Variants in ATP2A2 observed in about 807,000 individuals in gnomAD.
ATP2A2 encodes ATPase sarcoplasmic/endoplasmic reticulum Ca2+ transporting 2, also known as sarcoplasmic/endoplasmic reticulum calcium ATPase 2.
In ATP2A2, 14 loss-of-function variants were observed where a neutral mutation model predicts 109.3. That is an observed-to-expected ratio of 0.13 (90% CI 0.08 to 0.20). The LOEUF is 0.20. Ranked by LOEUF, ATP2A2 falls within the 10% of genes least tolerant of loss-of-function variation. The pLI is 1.00. For missense variants in ATP2A2, 657 were observed against 1,321.6 expected (o/e 0.50, Z 7.80); for synonymous variants, 506 against 490.9 (o/e 1.03, Z -0.41).
At position 110,346,668 on chromosome 12, in the gene ATP2A2, C is replaced by T. The variant is rs1879895239; in HGVS notation, c.*198C>T. 2 of 1,445,358 alleles carry T rather than the reference C, an allele frequency of 1.4e-6. No homozygotes were observed. The highest frequency in any genetic ancestry group is 1.8e-6 in the Non-Finnish European group (2 of 1,108,342). The allele number at this position is 1,445,358 out of a possible 1,614,324, so 89.5% of individuals were successfully genotyped here. Reference sequence around the variant, plus strand: ...TTTTTATACACATAATTAAAGTGTCCATTGACATGTACAGAGAACTAACAC... The same window carrying T: ...TTTTTATACACATAATTAAAGTGTCTATTGACATGTACAGAGAACTAACAC... On this transcript the variant is annotated 3_prime_UTR_variant, in exon 20 of 20. Coordinates refer to ENST00000539276, the MANE Select transcript of ATP2A2 (RefSeq NM_170665.4).
chr12:110,334,301 T>C (rs1878624177), intron 11 of ATP2A2, 158 bp downstream of exon 11: 1 of 927,362 alleles, frequency 1.1e-6, no homozygotes, highest in Non-Finnish European at 1.7e-6. Flanking sequence ...GGTAAGATGC[T>C]CTTCCTGTGT....
Position 110,350,607 on chromosome 12 carries a change from A to G in ATP2A2, c.*4137A>G. 2.1e-6 allele frequency: 1 copy of G among 487,352 alleles called. No homozygotes were observed. The highest frequency in any genetic ancestry group is 3.7e-6 in the Non-Finnish European group (1 of 272,440). 30.2% of individuals were successfully genotyped at this position (487,352 alleles called of 1,614,324 possible). On this transcript the variant is annotated 3_prime_UTR_variant, in exon 20 of 20. Transcript: ENST00000539276. ...CTGTAACCTTATCTAAGAACTTGGA[A>G]GCCGTCAGCCAAGTCGCCACATTTC...
At position 110,346,884 on chromosome 12, in the gene ATP2A2, A is replaced by G. The variant is rs1048667021; in HGVS notation, c.*414A>G. 20 of 1,092,558 alleles carry G rather than the reference A, an allele frequency of 1.8e-5. No homozygotes were observed. Among genetic ancestry groups the G allele is most frequent in the Non-Finnish European group, 2.2e-5 (20 of 895,376 alleles). The allele number at this position is 1,092,558 out of a possible 1,614,324, so 67.7% of individuals were successfully genotyped here. On this transcript the variant is annotated 3_prime_UTR_variant, in exon 20 of 20. Coordinates refer to ENST00000539276, the MANE Select transcript of ATP2A2 (RefSeq NM_170665.4). The stretch of plus-strand genomic sequence containing the variant: ...TAGCATGTATTGTGTCTTTTGCATG[A>G]TGATCCGGATTTAATTTGATATCAC...
In ATP2A2 at chr12:110,342,466, C is replaced by T. The variant is rs1879448005; in HGVS notation, c.2318+18C>T. On this transcript the variant is annotated intron_variant, in intron 15 of 19. Transcript: ENST00000539276. The surrounding 1 kb of genome is among the most constrained non-coding windows in gnomAD (Gnocchi z 4.6). ...GTTGTCTGGTAGGTCTCTGTGACAG[C>T]ATCACTTACTGTACGCCTTTATCTA... The T allele has an allele frequency of 6.2e-7, 1 of 1,609,706 alleles. No homozygotes were observed. Among genetic ancestry groups the T allele is most frequent in the Non-Finnish European group, 8.5e-7 (1 of 1,177,256 alleles).
At chr12:110,315,915 G>A (rs1876617658) in intron 5 of ATP2A2, among the ~76,000 whole-genome samples, 1 of 152,112 alleles carries the variant, frequency 6.6e-6, no homozygotes, top group African/African-American at 2.4e-5. Flanking sequence ...CTCCAGCCTG[G>A]GTGACAGAGC....
intron 10 of ATP2A2, among the ~76,000 whole-genome samples, 172 bp from the exon 11 acceptor site, chr12:110,333,840 C>G (rs1275998459): frequency 1.3e-5 from 2 of 152,112 alleles, no homozygotes; most frequent in Non-Finnish European, 2.9e-5. Flanking sequence ...CACACCTGTA[C>G]TTTGAGTATG....
intron 10 of ATP2A2, among the ~76,000 whole-genome samples, chr12:110,333,523 G>A (rs967856530): frequency 2.0e-5 from 3 of 152,174 alleles, no homozygotes; most frequent in African/African-American, 7.2e-5. Context: ...TGTAGTATAT[G>A]TGATGTTCTT....
In ATP2A2 at chr12:110,347,043, C is replaced by T. The variant is rs1257265080; in HGVS notation, c.*573C>T. The stretch of plus-strand genomic sequence containing the variant: ...CACCCCACCCCACCCCACCTCTCCC[C>T]ACCTTACCCCCGCCCCGCTTGGCTT... On this transcript the variant is annotated 3_prime_UTR_variant, in exon 20 of 20. Coordinates refer to ENST00000539276, the MANE Select transcript of ATP2A2 (RefSeq NM_170665.4). The T allele has an allele frequency of 9.3e-7, 1 of 1,078,500 alleles. No individual in the cohort carries two copies. Among genetic ancestry groups the T allele is most frequent in the Non-Finnish European group, 1.1e-6 (1 of 886,824 alleles). 66.8% of individuals were successfully genotyped at this position (1,078,500 alleles called of 1,614,324 possible). A position where few individuals can be genotyped will look rare whatever the true frequency, so the allele number is the denominator to read the frequency against.
intron 6 of ATP2A2, among the ~76,000 whole-genome samples, chr12:110,323,451 C>G (rs895929482): frequency 6.6e-6 from 1 of 152,144 alleles, no homozygotes; most frequent in Admixed American, 6.5e-5. Flanking sequence ...TCCCAAAGTG[C>G]TGGGATTACA....
rs769889512 is a variant in ATP2A2, at chr12:110,346,227, C to T, written c.2886C>T (p.Asn962=). ...TCATCTTCCAGATCACACCGCTGAA[C>T]GTGACCCAGTGGCTGATGGTGCTGA... ...LPLIFQITPL[N]VTQWLMVLKI... The change falls in exon 20 of 20, where the codon AAC becomes AAT. Residue 962 remains asparagine, a synonymous_variant. Coordinates refer to ENST00000539276, the MANE Select transcript of ATP2A2 (RefSeq NM_170665.4). 8 of 1,614,090 alleles carry T rather than the reference C, an allele frequency of 5.0e-6. No individual in the cohort carries two copies. The highest frequency in any genetic ancestry group is 1.6e-4 in the Middle Eastern group (1 of 6,084).
Position 110,297,792 on chromosome 12 carries a change from A to AT in ATP2A2, c.463+1061dup, listed in dbSNP as rs574782961. Among the ~76,000 whole-genome samples the AT allele has an allele frequency of 5.9e-5, 9 of 151,970 alleles. 1 individual carries two copies. The South Asian group carries it at 1.9e-3, about 32-fold the overall frequency. On this transcript the variant is annotated intron_variant, in intron 5 of 19. Coordinates refer to ENST00000539276, the MANE Select transcript of ATP2A2 (RefSeq NM_170665.4). ...GCCACTACACTCGCCTAATTTTTAT[A>AT]TTTTTTGTAGAGAGGGAGTTTTGCC...
chr12:110,284,147 T>G (rs3026440), intron 3 of ATP2A2, among the ~76,000 whole-genome samples: 1 of 152,220 alleles, frequency 6.6e-6, no homozygotes, highest in Admixed American at 6.5e-5. Flanking sequence ...AATGTACCTC[T>G]GATAAAATGT....
At chr12:110,322,553 AG>A (rs1477596801) in intron 5 of ATP2A2, among the ~76,000 whole-genome samples, 1 of 152,176 alleles carries the variant, frequency 6.6e-6, no homozygotes, top group Non-Finnish European at 1.5e-5. Context: ...ATCTTTTTAA[AG>A]GGGGCCATTT....
chr12:110,332,379 T>TC lies in ATP2A2; in HGVS notation c.1096-217dup. 5 of 571,148 alleles carry TC rather than the reference T, an allele frequency of 8.8e-6. No individual in the cohort carries two copies. In the South Asian group the frequency reaches 9.7e-5, roughly 11 times the overall value. The allele number at this position is 571,148 out of a possible 1,614,324, so 35.4% of individuals were successfully genotyped here. A position where few individuals can be genotyped will look rare whatever the true frequency, so the allele number is the denominator to read the frequency against. On this transcript the variant is annotated intron_variant, in intron 8 of 19. Coordinates refer to ENST00000539276, the MANE Select transcript of ATP2A2 (RefSeq NM_170665.4). The stretch of plus-strand genomic sequence containing the variant: ...GCTGTTTTTCATACTGTTCGATTGG[T>TC]CGGGGGTGTGATGGGCGAAGCAGTC...
Position 110,333,214 on chromosome 12 carries a change from G to C in ATP2A2, c.1218G>C (p.Gln406His). The stretch of plus-strand genomic sequence containing the variant: ...ATGATAAACCAGTGAATTGTCACCA[G>C]TATGATGGTCTGGTAGAATTAGCAA... ...HKDDKPVNCH[Q>H]YDGLVELATI... The change falls in exon 10 of 20, where the codon CAG becomes CAC. Residue 406 changes from glutamine (Q) to histidine (H), a missense_variant. Gln to His is a conservative substitution (Grantham distance 24). This residue lies in a region of ATP2A2 where 46 missense variants were observed against 62.0 expected (regional missense o/e 0.74). Transcript: ENST00000539276. 1 of 1,614,102 alleles carries C rather than the reference G, an allele frequency of 6.2e-7. No individual in the cohort carries two copies. The highest frequency in any genetic ancestry group is 8.5e-7 in the Non-Finnish European group (1 of 1,179,958).
chr12:110,304,483 A>G (rs1261640166), intron 5 of ATP2A2, among the ~76,000 whole-genome samples: 3 of 152,186 alleles, frequency 2.0e-5, no homozygotes, highest in Admixed American at 6.6e-5. Context: ...AGTTTTACCC[A>G]GGAAGTGAGT....
intron 5 of ATP2A2, among the ~76,000 whole-genome samples, chr12:110,297,384 T>C (rs557092446): frequency 7.0e-6 from 1 of 143,396 alleles, no homozygotes; most frequent in South Asian, 2.2e-4. Flanking sequence ...TGCAGTGAGC[T>C]GAGATCGCAC....
chr12:110,306,254 T>C (rs1248462951), intron 5 of ATP2A2, among the ~76,000 whole-genome samples: 1 of 152,220 alleles, frequency 6.6e-6, no homozygotes, highest in Non-Finnish European at 1.5e-5. Context: ...TTAGCCAGGA[T>C]GGTCTCGATC....
At chr12:110,313,223 AG>A (rs150935552) in intron 5 of ATP2A2, among the ~76,000 whole-genome samples, 2,505 of 152,080 alleles carry the variant, frequency 0.016, 72 homozygotes, top group African/African-American at 0.057. Context: ...TCACAGTACC[AG>A]GAAGTGCCAA....
Sources: gnomAD v4.1 joint callset for allele counts (sites outside exome capture counted in the v4.1 genomes callset) on GRCh38, gnomAD v4.1.1 for gene constraint, gnomAD v4.1.1 regional missense constraint, Gnocchi (gnomAD v3.1) non-coding constraint, MANE v1.5 for transcripts, NCBI Gene and HGNC (gene_info 2026-07-23, HGNC 2026-07-21) for gene names.